ANO1: variants seen among roughly 807,000 people sequenced by gnomAD.
ANO1 encodes the protein anoctamin 1.
In ANO1, 59 loss-of-function variants were observed where a neutral mutation model predicts 124.0. The ratio of observed to expected loss-of-function variants is 0.48; its 90% CI spans 0.39 to 0.59. The LOEUF (loss-of-function observed/expected upper bound fraction) is 0.59. Among genes scored for constraint, ANO1 ranks in the 20% least tolerant of loss-of-function variants. The pLI is 0.00. For missense variants in ANO1, 1,059 were observed against 1,328.0 expected (o/e 0.80, Z 3.15); for synonymous variants, 529 against 532.0 (o/e 0.99, Z 0.08).
chr11:69,976,297 C>T, the ANO1 span, among the ~76,000 whole-genome samples: 7 of 152,004 alleles, frequency 4.6e-5, 1 homozygote, highest in Admixed American at 2.6e-4. Flanking sequence ...ATCATGAGGT[C>T]AGGAGTTCGA....
the ANO1 span, among the ~76,000 whole-genome samples, chr11:69,974,876 G>A: frequency 1.5e-5 from 2 of 137,838 alleles, no homozygotes; most frequent in Non-Finnish European, 3.1e-5. Flanking sequence ...AGACTAGGAT[G>A]CCTCCGTCTC....
chr11:70,082,182 A>T (rs1239013900), intron 1 of ANO1, among the ~76,000 whole-genome samples: 1 of 152,142 alleles, frequency 6.6e-6, no homozygotes, highest in Non-Finnish European at 1.5e-5. Flanking sequence ...AGTATACAAG[A>T]CCCAGCCTCT....
the ANO1 span, among the ~76,000 whole-genome samples, chr11:69,968,211 C>G: frequency 3.9e-5 from 6 of 152,134 alleles, no homozygotes; most frequent in Non-Finnish European, 8.8e-5. Context: ...TCCTGTAGTA[C>G]AAAGCAGGAG....
chr11:70,122,339 A>C (rs1380178108), intron 8 of ANO1, among the ~76,000 whole-genome samples: 3 of 55,932 alleles, frequency 5.4e-5, no homozygotes, highest in Admixed American at 2.5e-4. Context: ...CTGTCTCTCC[A>C]TCTGCCTCTG....
chr11:70,039,190 G>C (rs1291866127), intron 1 of ANO1, among the ~76,000 whole-genome samples: 3 of 152,196 alleles, frequency 2.0e-5, no homozygotes, highest in African/African-American at 7.2e-5. Context: ...AAGGAGATCA[G>C]AGTGATCGAA....
chr11:70,070,221 C>T (rs1014075998), intron 1 of ANO1, among the ~76,000 whole-genome samples: 5 of 151,840 alleles, frequency 3.3e-5, no homozygotes, highest in African/African-American at 4.8e-5. Context: ...TGAAAATGAG[C>T]GATCAAATTA....
intron 22 of ANO1, among the ~76,000 whole-genome samples, chr11:70,172,986 C>T (rs1332896327): frequency 6.6e-6 from 1 of 152,138 alleles, no homozygotes; most frequent in East Asian, 1.9e-4. Flanking sequence ...CGTGTTTTCT[C>T]CTTAAGTTGT....
At chr11:70,048,311 A>G (rs183548685) in intron 1 of ANO1, among the ~76,000 whole-genome samples, 123 of 152,334 alleles carry the variant, frequency 8.1e-4, no homozygotes, top group African/African-American at 2.7e-3. Context: ...GATATTTATC[A>G]GATGTTTTAG....
chr11:70,062,273 C>A (rs548793691), intron 1 of ANO1, among the ~76,000 whole-genome samples: 1 of 151,864 alleles, frequency 6.6e-6, no homozygotes, highest in Non-Finnish European at 1.5e-5. Context: ...ATGGGGGTTT[C>A]GCTATGTTGG....
intron 2 of ANO1, among the ~76,000 whole-genome samples, chr11:70,091,229 A>G (rs2044614209): frequency 6.6e-6 from 1 of 152,190 alleles, no homozygotes; most frequent in Admixed American, 6.5e-5. Context: ...ACAACGAGCA[A>G]AGGGTTTGCG....
At chr11:70,184,246 A>C (rs535384953) in intron 24 of ANO1, among the ~76,000 whole-genome samples, 2 of 152,296 alleles carry the variant, frequency 1.3e-5, no homozygotes, top group East Asian at 3.9e-4. Flanking sequence ...CCCCAGATTC[A>C]GGGAGCTGTG....
At chr11:69,976,939 A>T in the ANO1 span, among the ~76,000 whole-genome samples, 1 of 152,156 alleles carries the variant, frequency 6.6e-6, no homozygotes, top group Non-Finnish European at 1.5e-5. Context: ...TCCCCCCGGG[A>T]GATGGCTGCT....
intron 12 of ANO1, among the ~76,000 whole-genome samples, chr11:70,150,780 CT>C (rs1364480216): frequency 4.6e-5 from 7 of 152,056 alleles, no homozygotes; most frequent in Non-Finnish European, 8.8e-5. Context: ...AAAAAAAGAA[CT>C]TTTTCATGCA....
chr11:70,012,457 T>C (rs1856615263), intron 1 of ANO1, among the ~76,000 whole-genome samples: 1 of 151,842 alleles, frequency 6.6e-6, no homozygotes, highest in Admixed American at 6.6e-5. Context: ...CATCTATCTA[T>C]TTGTCCACAA....
intron 11 of ANO1, among the ~76,000 whole-genome samples, chr11:70,148,194 C>T (rs1422978487): frequency 6.6e-6 from 1 of 152,154 alleles, no homozygotes; most frequent in African/African-American, 2.4e-5. Flanking sequence ...CGGTCACCGT[C>T]GCACAGCCCA....
chr11:69,995,003 T>C (rs1856232102), intron 1 of ANO1, among the ~76,000 whole-genome samples: 1 of 152,152 alleles, frequency 6.6e-6, no homozygotes, highest in African/African-American at 2.4e-5. Context: ...GTACAGAAAA[T>C]TCCCACATAC....
At chr11:70,111,592 G>A (rs563259816) in intron 6 of ANO1, 115 bp from the exon 7 acceptor site, 5 of 1,020,296 alleles carry the variant, frequency 4.9e-6, no homozygotes, top group African/African-American at 1.6e-5. Context: ...AGTCAGGTTC[G>A]TTTCATTTTG....
intron 22 of ANO1, among the ~76,000 whole-genome samples, chr11:70,179,702 A>G (rs2048862028): frequency 1.3e-5 from 2 of 152,258 alleles, no homozygotes; most frequent in African/African-American, 2.4e-5. Context: ...GTTTCATCTA[A>G]GCGAACTAGC....
At chr11:70,105,839 G>T in intron 5 of ANO1, 51 bp downstream of exon 5, 5 of 1,560,972 alleles carry the variant, frequency 3.2e-6, no homozygotes, top group Non-Finnish European at 4.4e-6. Flanking sequence ...TGGCCCTGGG[G>T]ATCCAGATGA....
Sources: allele counts gnomAD v4.1 joint callset (sites outside exome capture counted in the v4.1 genomes callset), GRCh38; gene constraint gnomAD v4.1.1; transcripts MANE v1.5; gene names NCBI Gene and HGNC (gene_info 2026-07-23, HGNC 2026-07-21).